RBFOX1: variants seen among roughly 807,000 people sequenced by gnomAD.
The protein encoded by RBFOX1 is RNA binding protein fox-1 homolog 1.
A neutral mutation model predicts 57.7 loss-of-function variants in RBFOX1; 8 were observed. That is an observed-to-expected ratio of 0.14 (90% CI 0.08 to 0.25). The LOEUF is 0.25. RBFOX1 is among the 10% of genes least tolerant of loss of function. RBFOX1 has a pLI of 1.00. For synonymous variants in RBFOX1, 326 were observed against 222.4 expected (o/e 1.47, Z -4.15); for missense variants, 611 against 548.5 (o/e 1.11, Z -1.14).
chr16:5,762,075 C>G (rs1013416713), intron 3 of RBFOX1, among the ~76,000 whole-genome samples: 1 of 152,140 alleles, frequency 6.6e-6, no homozygotes, highest in African/African-American at 2.4e-5. Flanking sequence ...AAAAATGGAT[C>G]TATTGTAAGA....
At chr16:5,807,827 C>T (rs537846042) in intron 3 of RBFOX1, among the ~76,000 whole-genome samples, 5 of 152,128 alleles carry the variant, frequency 3.3e-5, no homozygotes, top group Non-Finnish European at 7.4e-5. Flanking sequence ...TAACCAGCTC[C>T]CAGGTGATGC....
chr16:6,134,386 C>G (rs1041121764), intron 1 of RBFOX1, among the ~76,000 whole-genome samples: 1 of 152,142 alleles, frequency 6.6e-6, no homozygotes, highest in Non-Finnish European at 1.5e-5. Context: ...CCCCAAGAAC[C>G]GATTACAGGA....
intron 1 of RBFOX1, among the ~76,000 whole-genome samples, chr16:5,249,432 G>A (rs545014585): frequency 9.8e-5 from 15 of 152,320 alleles, no homozygotes; most frequent in African/African-American, 3.4e-4. Flanking sequence ...GGCTTAAGTT[G>A]CAAGGTGTAG....
At chr16:6,862,457 T>G (rs2059185704) in intron 3 of RBFOX1, among the ~76,000 whole-genome samples, 1 of 152,160 alleles carries the variant, frequency 6.6e-6, no homozygotes, top group Admixed American at 6.5e-5. Flanking sequence ...ATGGCAGAGT[T>G]ATTAGCAATA....
At chr16:6,275,446 G>C (rs961961390) in intron 1 of RBFOX1, among the ~76,000 whole-genome samples, 1 of 152,142 alleles carries the variant, frequency 6.6e-6, no homozygotes, top group African/African-American at 2.4e-5. Context: ...TCACACACCT[G>C]ATCTCATTCG....
intron 1 of RBFOX1, among the ~76,000 whole-genome samples, chr16:6,253,409 C>G (rs1295565426): frequency 6.6e-6 from 1 of 152,150 alleles, no homozygotes; most frequent in Non-Finnish European, 1.5e-5. Flanking sequence ...AGCAAACCTT[C>G]ATAGGTAGGC....
At chr16:5,984,544 A>T (rs999909801) in intron 4 of RBFOX1, among the ~76,000 whole-genome samples, 1 of 152,066 alleles carries the variant, frequency 6.6e-6, no homozygotes, top group African/African-American at 2.4e-5. Flanking sequence ...GGAATTACTT[A>T]CCTAACCCTT....
intron 3 of RBFOX1, among the ~76,000 whole-genome samples, chr16:5,849,591 A>G (rs1223249131): frequency 6.6e-6 from 1 of 152,056 alleles, no homozygotes; most frequent in Non-Finnish European, 1.5e-5. Context: ...TTCTGACTGT[A>G]AGCCGCAGTC....
intron 3 of RBFOX1, among the ~76,000 whole-genome samples, chr16:6,784,646 G>A (rs1032302045): frequency 1.3e-5 from 2 of 151,664 alleles, no homozygotes; most frequent in Non-Finnish European, 2.9e-5. Context: ...TGGTGAGGTC[G>A]TGTTTTCCTA....
At chr16:6,255,494 G>A (rs376945760) in intron 1 of RBFOX1, among the ~76,000 whole-genome samples, 4 of 152,180 alleles carry the variant, frequency 2.6e-5, no homozygotes, top group Admixed American at 6.5e-5. Flanking sequence ...GTGCATGCAT[G>A]GTGATTTTGA....
intron 1 of RBFOX1, among the ~76,000 whole-genome samples, chr16:5,271,975 A>T (rs575475131): frequency 6.6e-6 from 1 of 152,340 alleles, no homozygotes; most frequent in East Asian, 1.9e-4. Context: ...TGTATATAGT[A>T]CATTTTCTTT....
At chr16:7,333,720 T>A (rs778589303) in intron 4 of RBFOX1, among the ~76,000 whole-genome samples, 50 of 152,252 alleles carry the variant, frequency 3.3e-4, no homozygotes, top group Non-Finnish European at 5.4e-4. Flanking sequence ...TTGAAGTCTT[T>A]TAATTCTGTG....
At chr16:6,770,650 C>G (rs756963709) in intron 3 of RBFOX1, among the ~76,000 whole-genome samples, 1 of 152,042 alleles carries the variant, frequency 6.6e-6, no homozygotes, top group African/African-American at 2.4e-5. Flanking sequence ...GGCTGCAGAG[C>G]CTTCCTGGGA....
intron 3 of RBFOX1, among the ~76,000 whole-genome samples, chr16:6,826,091 C>G (rs1380267690): frequency 6.6e-6 from 1 of 152,124 alleles, no homozygotes; most frequent in African/African-American, 2.4e-5. Context: ...CCAGGTCTCC[C>G]GCTAGCTGTT....
intron 3 of RBFOX1, among the ~76,000 whole-genome samples, chr16:5,778,067 A>C (rs2054203233): frequency 6.6e-6 from 1 of 152,188 alleles, no homozygotes; most frequent in Non-Finnish European, 1.5e-5. Flanking sequence ...CCAGGCACTT[A>C]CCTGCTGGTT....
intron 4 of RBFOX1, among the ~76,000 whole-genome samples, chr16:5,964,200 C>A (rs2059802662): frequency 6.6e-6 from 1 of 152,118 alleles, no homozygotes; most frequent in Non-Finnish European, 1.5e-5. Context: ...TAATGAGATA[C>A]CACCTCATAC....
At chr16:5,724,927 G>A (rs1185845299) in intron 3 of RBFOX1, among the ~76,000 whole-genome samples, 2 of 152,190 alleles carry the variant, frequency 1.3e-5, no homozygotes, top group South Asian at 2.1e-4. Context: ...TGAAATCAGC[G>A]TCTTTAACAG....
rs1014997341 is a variant in RBFOX1 at position 6,296,698 on chromosome 16, A to G, written c.-126-20297A>G. On this transcript the variant is annotated intron_variant, in intron 1 of 15. Transcript: ENST00000550418. The stretch of plus-strand genomic sequence containing the variant: ...GCCTCCCAAAGTGCTGGGATTACAG[A>G]CGTGAGCCACCGTACCCAGCCTGTG... Among the ~76,000 whole-genome samples the G allele has an allele frequency of 7.2e-5, 11 of 152,216 alleles. No individual in the cohort carries two copies. The South Asian group carries it at 1.5e-3, about 20-fold the overall frequency.
intron 2 of RBFOX1, among the ~76,000 whole-genome samples, chr16:5,595,528 G>A (rs917617178): frequency 4.6e-5 from 7 of 152,172 alleles, no homozygotes; most frequent in African/African-American, 1.7e-4. Flanking sequence ...CGGGACCCTG[G>A]TTTGGGATCT....
Sources: allele counts gnomAD v4.1 joint callset (sites outside exome capture counted in the v4.1 genomes callset), GRCh38; gene constraint gnomAD v4.1.1; transcripts MANE v1.5; gene names NCBI Gene and HGNC (gene_info 2026-07-23, HGNC 2026-07-21).